ERLIN2: variants seen among roughly 807,000 people sequenced by gnomAD.
ERLIN2 encodes the protein erlin-2.
A neutral mutation model predicts 41.5 loss-of-function variants in ERLIN2; 22 were observed. The observed-to-expected ratio is 0.53, with a 90% CI of 0.38 to 0.76. The LOEUF is 0.76. Ranked by LOEUF, ERLIN2 falls within the 30% of genes least tolerant of loss-of-function variation. The probability of loss-of-function intolerance (pLI) is 0.00; values close to 1 mark genes in which losing one functional copy is unlikely to be tolerated. For synonymous variants in ERLIN2, 149 were observed against 150.9 expected, an observed-to-expected ratio of 0.99 and a Z score of 0.09; for missense variants, 247 against 414.3, an observed-to-expected ratio of 0.60 and a Z score of 3.51.
Position 37,757,563 on chromosome 8 carries a change from G to T in ERLIN2, c.*3448G>T, listed in dbSNP as rs1427096552. On this transcript the variant is annotated 3_prime_UTR_variant, in exon 12 of 12. Coordinates refer to ENST00000519638, the MANE Select transcript of ERLIN2 (RefSeq NM_007175.8). ...ATTCTATAAATGATACTGCTGGATT[G>T]ATTGCCGTGGGTTGATAGCTGGAGG... The T allele has an allele frequency of 6.6e-6, 1 of 152,222 alleles. No homozygotes were observed. Among genetic ancestry groups the T allele is most frequent in the Non-Finnish European group, 1.5e-5 (1 of 68,040 alleles). 9.4% of individuals were successfully genotyped at this position (152,222 alleles called of 1,614,324 possible).
chr8:37,750,263 C>T, intron 8 of ERLIN2, 132 bp from the exon 9 acceptor site: 2 of 725,474 alleles, frequency 2.8e-6, no homozygotes, highest in South Asian at 3.0e-5. Flanking sequence ...TTTACCTGGG[C>T]CATCGAACAG....
At chr8:37,736,796 C>G in intron 1 of ERLIN2, 118 bp downstream of exon 1, 1 of 986,014 alleles carries the variant, frequency 1.0e-6, no homozygotes, top group Non-Finnish European at 1.2e-6. Flanking sequence ...AGCCGGCCCG[C>G]TCCTGGAGAG....
intron 6 of ERLIN2, chr8:37,745,757 A>G (rs1352568040): frequency 5.3e-6 from 8 of 1,509,150 alleles, no homozygotes; most frequent in Non-Finnish European, 7.1e-6. Flanking sequence ...AAATGAATCT[A>G]AATTCATTTT....
chr8:37,737,136 T>C (rs1024876059), intron 1 of ERLIN2: 14 of 329,782 alleles, frequency 4.2e-5, no homozygotes, highest in Non-Finnish European at 6.1e-5. Flanking sequence ...TAGTTCCAGA[T>C]CATTCAGCGT....
chr8:37,754,203 T>G lies in ERLIN2; in HGVS notation c.*88T>G, dbSNP rs911365591. On this transcript the variant is annotated 3_prime_UTR_variant, in exon 12 of 12. Transcript: ENST00000519638. ...AATGTTCCTCCCTCCCCGACTACCT[T>G]CTCTGACTGTCTTCCAGTTACTGTG... The G allele has an allele frequency of 2.1e-6, 2 of 930,376 alleles. No individual in the cohort carries two copies. Among genetic ancestry groups the G allele is most frequent in the Non-Finnish European group, 3.4e-6 (2 of 580,966 alleles). The allele number at this position is 930,376 out of a possible 1,614,324, so 57.6% of individuals were successfully genotyped here. A position where few individuals can be genotyped will look rare whatever the true frequency, so the allele number is the denominator to read the frequency against.
chr8:37,745,333 A>C (rs778464523), intron 6 of ERLIN2: 1 of 573,210 alleles, frequency 1.7e-6, no homozygotes, highest in Non-Finnish European at 3.1e-6. Flanking sequence ...CAACGAATAG[A>C]AAAACACTTT....
chr8:37,743,159 C>T (rs1356260109), intron 4 of ERLIN2, among the ~76,000 whole-genome samples: 2 of 152,196 alleles, frequency 1.3e-5, no homozygotes, highest in Non-Finnish European at 2.9e-5. Flanking sequence ...CAGAGACTTA[C>T]AAGAAACATA....
intron 6 of ERLIN2, chr8:37,747,995 C>T (rs766090649): frequency 4.6e-5 from 74 of 1,614,044 alleles, no homozygotes; most frequent in Non-Finnish European, 5.7e-5. Flanking sequence ...CGAGACACTA[C>T]TTTCGGCATG....
chr8:37,745,441 G>T, intron 6 of ERLIN2: 1 of 925,592 alleles, frequency 1.1e-6, no homozygotes, highest in South Asian at 1.4e-5. Flanking sequence ...GAAGGACACA[G>T]TTGGGTAACT....
Position 37,744,395 on chromosome 8 carries a change from A to G in ERLIN2, c.277A>G (p.Asn93Asp), listed in dbSNP as rs1554516498. 6.2e-7 allele frequency: 1 copy of G among 1,614,062 alleles called. No homozygotes were observed. Among genetic ancestry groups the G allele is most frequent in the Non-Finnish European group, 8.5e-7 (1 of 1,179,960 alleles). Residue 93 changes from asparagine to aspartate, a missense_variant, in exon 5 of 12, where the codon AAC becomes GAC. Around this residue, in one of 3 missense-constraint regions of ERLIN2, gnomAD observed 93 missense variants for 139.0 expected, o/e 0.67. Transcript: ENST00000519638. The stretch of plus-strand genomic sequence containing the variant: ...CTACTTTGACAGAATTGAAGTGGTG[A>G]ACTTCCTGGTCCCGAACGCAGGTAC... ...MIYFDRIEVVNFLVPNAVYDI... is the reference protein window; with the variant it reads ...MIYFDRIEVVDFLVPNAVYDI...
intron 2 of ERLIN2, among the ~76,000 whole-genome samples, chr8:37,739,483 CT>C (rs375384406): frequency 0.012 from 1,716 of 146,334 alleles, 20 homozygotes; most frequent in African/African-American, 0.031. Flanking sequence ...GACTTCTTAT[CT>C]TTTTTTTTTT....
chr8:37,750,507 T>TC, intron 9 of ERLIN2, 21 bp downstream of exon 9: 1 of 1,596,384 alleles, frequency 6.3e-7, no homozygotes. Context: ...GGTTCTGTGA[T>TC]CCCCCTTTCC....
chr8:37,753,851 C>G, intron 11 of ERLIN2, 64 bp from the exon 12 acceptor site: 1 of 1,393,516 alleles, frequency 7.2e-7, no homozygotes, highest in Non-Finnish European at 1.0e-6. Flanking sequence ...TGAAGGGGCA[C>G]CACTCCCCTC....
chr8:37,751,693 G>A lies in ERLIN2; in HGVS notation c.717G>A (p.Glu239=). ...YGQKVMEKET[E]KKISEIEDAA... is the part of the protein sequence containing the mutation. Reference sequence around the variant, plus strand: ...AGAAGGTGATGGAGAAGGAGACTGAGAAGAAGATTTCAGAAATTGAAGGTA... The same window carrying A: ...AGAAGGTGATGGAGAAGGAGACTGAAAAGAAGATTTCAGAAATTGAAGGTA... The change falls in exon 10 of 12, where the codon GAG becomes GAA. Residue 239 remains glutamate (E), a synonymous_variant. Transcript: ENST00000519638. 6.8e-6 allele frequency: 11 copies of A among 1,613,960 alleles called. No homozygotes were observed. The highest frequency in any genetic ancestry group is 8.5e-6 in the Non-Finnish European group (10 of 1,179,820).
At chr8:37,739,467 A>G (rs1802775551) in intron 2 of ERLIN2, among the ~76,000 whole-genome samples, 1 of 152,122 alleles carries the variant, frequency 6.6e-6, no homozygotes, top group Non-Finnish European at 1.5e-5. Context: ...ATGACAAAGT[A>G]AAACAGACTT....
Position 37,753,909 on chromosome 8 carries a change from T to TA in ERLIN2, c.820-4dup, listed in dbSNP as rs760810007. On this transcript the variant is annotated splice_polypyrimidine_tract_variant and splice_region_variant and intron_variant, in intron 11 of 11. Transcript: ENST00000519638. ...AAGTCTTCCATACTTTTTTTTTTTT[T>TA]AACAGCTGAAGCTAACCCCTGAATA... The TA allele has an allele frequency of 6.2e-7, 1 of 1,606,048 alleles. No individual in the cohort carries two copies. Among genetic ancestry groups the TA allele is most frequent in the Non-Finnish European group, 8.5e-7 (1 of 1,173,104 alleles).
rs187795699 is a variant in ERLIN2 at position 37,747,499 on chromosome 8, A to G, written c.425-2060A>G. 60 of 1,612,266 alleles carry G rather than the reference A, an allele frequency of 3.7e-5. No individual in the cohort carries two copies. The East Asian group carries it at 7.1e-4, about 19-fold the overall frequency. On this transcript the variant is annotated intron_variant, in intron 6 of 11. Transcript: ENST00000519638. ...CGAGTCAGCAACTTCCCTAGCCTCA[A>G]TCTCCTCTTCCTCTTCATCAATGGT...
rs1803359741 is a variant in ERLIN2 at position 37,756,346 on chromosome 8, C to G, written c.*2231C>G. ...ATGTCTACTCCTTCTACTCTGAGCTCTTGTTGCCTAGACCTCAGAAAACAC... is the reference window on the plus strand; with the variant it reads ...ATGTCTACTCCTTCTACTCTGAGCTGTTGTTGCCTAGACCTCAGAAAACAC... On this transcript the variant is annotated 3_prime_UTR_variant, in exon 12 of 12. Coordinates refer to ENST00000519638, the MANE Select transcript of ERLIN2 (RefSeq NM_007175.8). 2 of 152,378 alleles carry G rather than the reference C, an allele frequency of 1.3e-5. No individual in the cohort carries two copies. Among genetic ancestry groups the G allele is most frequent in the Admixed American group, 1.3e-4 (2 of 15,280 alleles). The allele number at this position is 152,378 out of a possible 1,614,324, so 9.4% of individuals were successfully genotyped here.
chr8:37,747,750 A>G, intron 6 of ERLIN2: 1 of 1,601,652 alleles, frequency 6.2e-7, no homozygotes, highest in South Asian at 1.1e-5. Context: ...ACTGTAGTTC[A>G]ATGCCTTCAG....
Sources: allele counts gnomAD v4.1 joint callset (sites outside exome capture counted in the v4.1 genomes callset), GRCh38; gene constraint gnomAD v4.1.1; regional missense constraint gnomAD v4.1.1; transcripts MANE v1.5; gene names NCBI Gene and HGNC (gene_info 2026-07-23, HGNC 2026-07-21).